Variants in RGL1 observed in about 807,000 individuals in gnomAD.
The protein encoded by RGL1 is ral guanine nucleotide dissociation stimulator-like 1.
A neutral mutation model predicts 95.2 loss-of-function variants in RGL1; 24 were observed. That is an observed-to-expected ratio of 0.25 (90% CI 0.18 to 0.35). The LOEUF is 0.35. Ranked by LOEUF, RGL1 falls within the 10% of genes least tolerant of loss-of-function variation. The pLI, the probability that RGL1 is intolerant of heterozygous loss-of-function variation, is 1.00. For synonymous variants in RGL1, 329 were observed against 344.9 expected (o/e 0.95, Z 0.51); for missense variants, 715 against 936.3 (o/e 0.76, Z 3.08).
Position 183,892,164 on chromosome 1 carries a change from G to A in RGL1, c.1140+3G>A, listed in dbSNP as rs187829489. On this transcript the variant is annotated splice_donor_region_variant and intron_variant, in intron 9 of 17. Transcript: ENST00000360851. ...CCAGCCGAGAACTACTGATGAAGGT[G>A]AGGCTCTTAGTGAGGCTGCTGTGTA... is the stretch of plus-strand genomic sequence containing the variant. 3.1e-6 allele frequency: 5 copies of A among 1,604,138 alleles called. No individual in the cohort carries two copies. The African/African-American group carries it at 6.7e-5, about 21-fold the overall frequency.
intron 2 of RGL1, among the ~76,000 whole-genome samples, chr1:183,752,801 C>A (rs368632185): frequency 6.7e-6 from 1 of 150,008 alleles, no homozygotes; most frequent in South Asian, 2.1e-4. Context: ...TCTTTGAGTA[C>A]ATTGGAAATT....
intron 2 of RGL1, among the ~76,000 whole-genome samples, chr1:183,743,277 G>A (rs746697982): frequency 1.6e-4 from 24 of 152,162 alleles, no homozygotes; most frequent in Non-Finnish European, 1.2e-4. Context: ...GCCTTCCAAA[G>A]CACTGGGATT....
At chr1:183,698,822 C>G (rs6424902) in intron 1 of RGL1, among the ~76,000 whole-genome samples, 99,560 of 152,058 alleles carry the variant, frequency 0.65, 32,819 homozygotes, top group East Asian at 0.79. Flanking sequence ...TTTCCTATGG[C>G]TTACTCATCA....
Position 183,790,269 on chromosome 1 carries a change from T to C in RGL1, c.133-16106T>C, listed in dbSNP as rs1660382257. On this transcript the variant is annotated intron_variant, in intron 2 of 18. Coordinates refer to the RGL1 transcript ENST00000304685. ...TTGATGCTCCAATATCCTATGATGA[T>C]GCCCTCGTTCCCATGGTTCACAGCC... 2.0e-5 allele frequency among the ~76,000 whole-genome samples: 3 copies of C among 152,064 alleles called. No individual in the cohort carries two copies. In the South Asian group the frequency reaches 6.2e-4, roughly 32 times the overall value.
intron 2 of RGL1, among the ~76,000 whole-genome samples, chr1:183,797,780 CAG>C (rs1162057120): frequency 1.4e-4 from 21 of 152,244 alleles, no homozygotes; most frequent in Admixed American, 1.2e-3. Context: ...ACAACCATAG[CAG>C]AATGCCCAAC....
chr1:183,639,005 C>T (rs1260218849), intron 1 of RGL1, among the ~76,000 whole-genome samples: 6 of 152,280 alleles, frequency 3.9e-5, no homozygotes, highest in South Asian at 4.1e-4. Flanking sequence ...CCTGGCTGGG[C>T]GTGGTGGCTC....
chr1:183,799,090 G>C (rs773631611), intron 2 of RGL1, among the ~76,000 whole-genome samples: 2 of 151,614 alleles, frequency 1.3e-5, no homozygotes, highest in African/African-American at 2.4e-5. Context: ...TTTTACTACA[G>C]GCAGGGTTTC....
chr1:183,770,152 C>T (rs1465827301), intron 2 of RGL1, among the ~76,000 whole-genome samples: 2 of 152,178 alleles, frequency 1.3e-5, no homozygotes, highest in East Asian at 3.9e-4. Flanking sequence ...ATTGGTTGGG[C>T]TTGTTTAACC....
intron 1 of RGL1, among the ~76,000 whole-genome samples, chr1:183,711,119 G>T (rs148980867): frequency 4.6e-5 from 7 of 152,228 alleles, no homozygotes; most frequent in African/African-American, 1.7e-4. Flanking sequence ...TTTAGGCCGG[G>T]TCACACACGA....
At chr1:183,810,068 G>C (rs932388146) in intron 2 of RGL1, among the ~76,000 whole-genome samples, 11 of 152,222 alleles carry the variant, frequency 7.2e-5, no homozygotes, top group Admixed American at 5.2e-4. Flanking sequence ...GTTGTATATG[G>C]ACAGTGAATA....
chr1:183,763,911 CA>C (rs1366524024), intron 2 of RGL1, among the ~76,000 whole-genome samples: 1 of 152,190 alleles, frequency 6.6e-6, no homozygotes, highest in Admixed American at 6.5e-5. Context: ...AGATTTCCCT[CA>C]CATTCTGGAA....
chr1:183,843,204 G>A (rs1443046048), intron 2 of RGL1, among the ~76,000 whole-genome samples: 1 of 152,178 alleles, frequency 6.6e-6, no homozygotes, highest in Non-Finnish European at 1.5e-5. Context: ...AGGCACAAGA[G>A]CAATTCTATA....
intron 16 of RGL1, 131 bp downstream of exon 16, chr1:183,916,832 A>C: frequency 9.7e-7 from 1 of 1,025,668 alleles, no homozygotes; most frequent in Non-Finnish European, 1.4e-6. Flanking sequence ...ATTCACACAG[A>C]AGGGATGTGT....
chr1:183,682,163 T>A (rs1451872310), intron 1 of RGL1, among the ~76,000 whole-genome samples: 1 of 152,212 alleles, frequency 6.6e-6, no homozygotes, highest in Non-Finnish European at 1.5e-5. Flanking sequence ...TGTGTCTCTA[T>A]CTCCTTGAGT....
intron 13 of RGL1, among the ~76,000 whole-genome samples, chr1:183,905,483 G>T (rs1041793762): frequency 5.3e-5 from 8 of 152,140 alleles, no homozygotes; most frequent in Non-Finnish European, 1.0e-4. Flanking sequence ...AAATATAAAG[G>T]CATTAATATT....
At chr1:183,746,496 A>G (rs142299821) in intron 2 of RGL1, among the ~76,000 whole-genome samples, 210 of 152,132 alleles carry the variant, frequency 1.4e-3, no homozygotes, top group Non-Finnish European at 2.1e-3. Context: ...AATTTTCACT[A>G]TTGTACAATA....
In RGL1 at chr1:183,724,065, C is replaced by A. The variant is rs1656174180; in HGVS notation, c.-32-18061C>A. Among the ~76,000 whole-genome samples, 1 of 152,136 alleles carries A rather than the reference C, an allele frequency of 6.6e-6. No homozygotes were observed. Among genetic ancestry groups the A allele is most frequent in the African/African-American group, 2.4e-5 (1 of 41,418 alleles). On this transcript the variant is annotated intron_variant, in intron 1 of 18. Coordinates refer to the RGL1 transcript ENST00000304685. This position sits in a 1 kb window ranked among gnomAD's most constrained non-coding sequence, Gnocchi z 4.1. ...TACTAGACACACCCTGGGCCAGAAG[C>A]AAACTCATTGCCTTGAAGGGAAGAG...
At chr1:183,659,739 C>G (rs1463339559) in intron 1 of RGL1, among the ~76,000 whole-genome samples, 3 of 151,380 alleles carry the variant, frequency 2.0e-5, no homozygotes, top group Non-Finnish European at 4.4e-5. Context: ...AAGAGCAACT[C>G]CAAGACACAT....
chr1:183,909,861 G>A (rs12081840), intron 14 of RGL1, among the ~76,000 whole-genome samples: 7 of 152,068 alleles, frequency 4.6e-5, no homozygotes, highest in African/African-American at 1.2e-4. Flanking sequence ...ATCTGTTAAC[G>A]GTAAACCTTC....
Sources: allele counts gnomAD v4.1 joint callset (sites outside exome capture counted in the v4.1 genomes callset), GRCh38; gene constraint gnomAD v4.1.1; non-coding constraint Gnocchi (gnomAD v3.1); transcripts MANE v1.5; gene names NCBI Gene and HGNC (gene_info 2026-07-23, HGNC 2026-07-21).